TAFA1: variants seen among roughly 807,000 people sequenced by gnomAD.
TAFA1 encodes TAFA chemokine like family member 1.
Under a neutral mutation model 18.5 loss-of-function variants are expected in TAFA1, and 4 were observed. The observed-to-expected ratio is 0.22, with a 90% CI of 0.11 to 0.49. The LOEUF is 0.49. TAFA1 is among the 20% of genes least tolerant of loss of function. TAFA1 has a pLI of 0.98. For missense variants in TAFA1, 147 were observed against 169.0 expected (o/e 0.87, Z 0.72); for synonymous variants, 56 against 55.2 (o/e 1.01, Z -0.06).
chr3:68,250,683 CA>C (rs1159322424), intron 2 of TAFA1: 7 of 150,390 alleles, frequency 4.7e-5, no homozygotes, highest in African/African-American at 1.7e-4. Context: ...TAAGGCAGAA[CA>C]AAAATTACTT....
chr3:68,362,081 G>A (rs537871930), intron 2 of TAFA1, among the ~76,000 whole-genome samples: 1 of 152,140 alleles, frequency 6.6e-6, no homozygotes, highest in Non-Finnish European at 1.5e-5. Context: ...CAAGCAATAA[G>A]GTTGGGTTGG....
upstream of TAFA1, among the ~76,000 whole-genome samples, chr3:68,003,764 A>G (rs1351604599): frequency 1.3e-5 from 2 of 152,248 alleles, no homozygotes. Flanking sequence ...TGAAAATAAC[A>G]TATTTTTATT....
intron 2 of TAFA1, among the ~76,000 whole-genome samples, chr3:68,130,157 C>A (rs2065519795): frequency 6.6e-6 from 1 of 152,148 alleles, no homozygotes; most frequent in Non-Finnish European, 1.5e-5. Context: ...CAAAGGGTAT[C>A]CGTGAAGGTA....
chr3:68,351,472 G>A (rs548121075), intron 2 of TAFA1, among the ~76,000 whole-genome samples: 1 of 152,076 alleles, frequency 6.6e-6, no homozygotes, highest in South Asian at 2.1e-4. Flanking sequence ...AGTTAAAATG[G>A]ACACCTGTTA....
At chr3:68,477,330 A>G (rs190684325) in intron 3 of TAFA1, among the ~76,000 whole-genome samples, 21 of 152,254 alleles carry the variant, frequency 1.4e-4, no homozygotes, top group Admixed American at 8.5e-4. Flanking sequence ...TTTGATGGGC[A>G]TTCAAGTAGA....
chr3:68,428,925 G>A (rs140828044), intron 3 of TAFA1, among the ~76,000 whole-genome samples: 171 of 151,928 alleles, frequency 1.1e-3, no homozygotes, highest in African/African-American at 3.9e-3. Flanking sequence ...AATGTCTCCC[G>A]GGTACAAGAA....
the TAFA1 span, among the ~76,000 whole-genome samples, chr3:67,994,623 C>A: frequency 2.8e-4 from 42 of 152,168 alleles, no homozygotes; most frequent in Admixed American, 7.9e-4. Context: ...GTTTACTCTT[C>A]TTTCCAGGGT....
intron 2 of TAFA1, among the ~76,000 whole-genome samples, chr3:68,089,504 A>G (rs186734682): frequency 1.3e-5 from 2 of 152,296 alleles, no homozygotes; most frequent in Non-Finnish European, 2.9e-5. Context: ...AAAGAAGTTT[A>G]TCTGGTTTCA....
rs151049405 is a variant in TAFA1, at chr3:68,519,810, A to G, written c.260-18946A>G. Among the ~76,000 whole-genome samples, 984 of 152,212 alleles carry G rather than the reference A, an allele frequency of 6.5e-3. 1 individual carries two copies. Among genetic ancestry groups the G allele is most frequent in the Middle Eastern group, 0.024 (7 of 294 alleles). On this transcript the variant is annotated intron_variant, in intron 3 of 4. Transcript: ENST00000478136. ...ATGAGGGCTCCACTTTCATGACCGA[A>G]TTACCTCCCAAACACCCTATCTCCT...
chr3:68,438,145 G>A (rs971175456), intron 3 of TAFA1, among the ~76,000 whole-genome samples: 5 of 152,232 alleles, frequency 3.3e-5, no homozygotes, highest in Non-Finnish European at 7.4e-5. Context: ...GATTGCTTGA[G>A]CCCAGGAGTT....
intron 2 of TAFA1, among the ~76,000 whole-genome samples, chr3:68,370,339 T>TACACACACAC (rs2069662408): frequency 2.9e-5 from 2 of 69,440 alleles, no homozygotes; most frequent in African/African-American, 6.0e-5. Context: ...TATATATATA[T>TACACACACAC]ATATATATAT....
intron 2 of TAFA1, among the ~76,000 whole-genome samples, chr3:68,290,905 A>G (rs1454715552): frequency 1.3e-5 from 2 of 152,116 alleles, no homozygotes; most frequent in Admixed American, 6.5e-5. Flanking sequence ...TCTTAAAAAA[A>G]AAAAAACTCT....
chr3:68,170,969 G>A (rs559360253), intron 2 of TAFA1, among the ~76,000 whole-genome samples: 11 of 152,066 alleles, frequency 7.2e-5, no homozygotes, highest in East Asian at 3.9e-4. Context: ...AAACAAGAAC[G>A]AATAGCAACA....
intron 3 of TAFA1, among the ~76,000 whole-genome samples, chr3:68,432,526 T>A (rs1211431608): frequency 6.6e-6 from 1 of 152,136 alleles, no homozygotes; most frequent in South Asian, 2.1e-4. Context: ...CTTGTGCACC[T>A]TTTCCTCATT....
At chr3:68,417,623 G>T in intron 3 of TAFA1, 1 of 578,010 alleles carries the variant, frequency 1.7e-6, no homozygotes, top group Admixed American at 3.3e-5. Context: ...CCAAAAAATA[G>T]ATGTTGAAAT....
rs1704836182 is a variant in TAFA1, at chr3:68,027,237, C to T, written c.118+20493C>T. ...TCTTCTCTAAGACGTGAGAGGTTTA[C>T]TGCCTTTTGAGGTAGACTATTTCAA... On this transcript the variant is annotated intron_variant, in intron 2 of 4. Coordinates refer to ENST00000478136, the MANE Select transcript of TAFA1 (RefSeq NM_213609.4). Among the ~76,000 whole-genome samples the T allele has an allele frequency of 3.3e-5, 5 of 152,136 alleles. 1 individual carries two copies. In the South Asian group the frequency reaches 8.3e-4, roughly 25 times the overall value.
At chr3:68,224,792 A>T (rs1185481649) in intron 2 of TAFA1, among the ~76,000 whole-genome samples, 1 of 149,984 alleles carries the variant, frequency 6.7e-6, no homozygotes, top group Non-Finnish European at 1.5e-5. Flanking sequence ...GAGCAAAAGG[A>T]GATTCTAGAC....
chr3:68,404,908 C>T (rs1436545790), intron 2 of TAFA1, among the ~76,000 whole-genome samples: 2 of 151,948 alleles, frequency 1.3e-5, no homozygotes, highest in Admixed American at 6.5e-5. Flanking sequence ...CAGTATTTTA[C>T]AGCCACTTCT....
Position 68,411,881 on chromosome 3 carries a change from T to C in TAFA1, c.119-5399T>C, listed in dbSNP as rs529778025. 2.6e-5 allele frequency among the ~76,000 whole-genome samples: 4 copies of C among 152,292 alleles called. No individual in the cohort carries two copies. The East Asian group carries it at 7.7e-4, about 29-fold the overall frequency. Reference sequence around the variant, plus strand: ...TCCGTTTGACTGTCTGCTAGGTCTGTTACAATGTAAACTTTGGGAATGAGA... The same window carrying C: ...TCCGTTTGACTGTCTGCTAGGTCTGCTACAATGTAAACTTTGGGAATGAGA... On this transcript the variant is annotated intron_variant, in intron 2 of 4. Coordinates refer to ENST00000478136, the MANE Select transcript of TAFA1 (RefSeq NM_213609.4).
Sources: allele counts gnomAD v4.1 joint callset (sites outside exome capture counted in the v4.1 genomes callset), GRCh38; gene constraint gnomAD v4.1.1; transcripts MANE v1.5; gene names NCBI Gene and HGNC (gene_info 2026-07-23, HGNC 2026-07-21).